The following ESR1 variants were observed in gnomAD, a reference collection of about 807,000 sequenced individuals.
ESR1 encodes the protein estrogen receptor 1, also known as estrogen receptor.
Under a neutral mutation model 52.7 loss-of-function variants are expected in ESR1, and 12 were observed. The ratio of observed to expected loss-of-function variants is 0.23; its 90% CI spans 0.15 to 0.37. The LOEUF (loss-of-function observed/expected upper bound fraction) is 0.37, where lower values mean the gene tolerates loss of function less well. Ranked by LOEUF, ESR1 falls within the 10% of genes least tolerant of loss-of-function variation. The pLI is 1.00. For synonymous variants in ESR1, 305 were observed against 316.8 expected, an observed-to-expected ratio of 0.96 and a Z score of 0.39; for missense variants, 584 against 779.7, an observed-to-expected ratio of 0.75 and a Z score of 2.99.
chr6:151,748,251 C>T (rs1783628915), intron 2 of ESR1, among the ~76,000 whole-genome samples: 1 of 152,030 alleles, frequency 6.6e-6, no homozygotes, highest in African/African-American at 2.4e-5. Context: ...CCAGACAGCC[C>T]CCCAGAATTA....
chr6:152,069,704 G>T (rs577680888), intron 6 of ESR1, among the ~76,000 whole-genome samples: 1 of 136,546 alleles, frequency 7.3e-6, no homozygotes, highest in African/African-American at 3.3e-5. Flanking sequence ...TCACAGTAGG[G>T]TTCACAGCCC....
chr6:151,752,623 A>G (rs1030836001), intron 2 of ESR1, among the ~76,000 whole-genome samples: 4 of 152,158 alleles, frequency 2.6e-5, no homozygotes, highest in Admixed American at 2.0e-4. Context: ...CTTCTTTTCT[A>G]TGTGTCAAAT....
intron 2 of ESR1, among the ~76,000 whole-genome samples, chr6:151,875,988 C>G (rs776757619): frequency 6.6e-6 from 1 of 151,902 alleles, no homozygotes; most frequent in Non-Finnish European, 1.5e-5. Flanking sequence ...GAAGGATTGG[C>G]GGGGGAAGGC....
intron 2 of ESR1, among the ~76,000 whole-genome samples, chr6:151,726,150 G>C (rs996777316): frequency 4.6e-5 from 7 of 152,098 alleles, no homozygotes; most frequent in Admixed American, 6.6e-5. Flanking sequence ...AACCAATTCT[G>C]GCTCATTTAG....
At chr6:152,020,429 C>T (rs924292868) in intron 5 of ESR1, among the ~76,000 whole-genome samples, 1 of 152,016 alleles carries the variant, frequency 6.6e-6, no homozygotes, top group African/African-American at 2.4e-5. Flanking sequence ...TCTATGACAA[C>T]AGTTCTTATT....
intron 2 of ESR1, among the ~76,000 whole-genome samples, chr6:151,857,008 C>A (rs975218467): frequency 6.6e-6 from 1 of 152,050 alleles, no homozygotes; most frequent in African/African-American, 2.4e-5. Flanking sequence ...GAATATAAGG[C>A]AAGATAAAAA....
chr6:151,842,847 A>G, intron 2 of ESR1, 60 bp downstream of exon 2: 3 of 1,457,794 alleles, frequency 2.1e-6, no homozygotes, highest in Non-Finnish European at 1.9e-6. Flanking sequence ...CTAAGAGCCA[A>G]AGCGACTGAG....
intron 2 of ESR1, among the ~76,000 whole-genome samples, chr6:151,733,370 C>T (rs1782401655): frequency 2.0e-5 from 3 of 152,288 alleles, no homozygotes; most frequent in Admixed American, 1.3e-4. Context: ...GTGTCATGTC[C>T]ATTCCCTCTG....
chr6:151,725,375 C>T (rs1781764931), intron 2 of ESR1, among the ~76,000 whole-genome samples: 1 of 152,116 alleles, frequency 6.6e-6, no homozygotes, highest in African/African-American at 2.4e-5. Flanking sequence ...TGTAATACTT[C>T]AAGGACATAG....
chr6:151,729,610 A>T (rs958903886), intron 2 of ESR1, among the ~76,000 whole-genome samples: 1 of 152,172 alleles, frequency 6.6e-6, no homozygotes, highest in African/African-American at 2.4e-5. Context: ...TGTGCTAGAG[A>T]CTGTGCTAAA....
chr6:152,121,471 A>T (rs1304900733), intron 6 of ESR1, among the ~76,000 whole-genome samples: 2 of 152,162 alleles, frequency 1.3e-5, no homozygotes, highest in African/African-American at 4.8e-5. Context: ...AGGAGATTTG[A>T]TTGACTATGG....
intron 2 of ESR1, among the ~76,000 whole-genome samples, chr6:151,710,515 G>A (rs1780518009): frequency 6.6e-6 from 1 of 151,858 alleles, no homozygotes; most frequent in Non-Finnish European, 1.5e-5. Context: ...ACCACTTTTT[G>A]ACCTACAAAA....
At chr6:151,850,021 TACAAA>T (rs2128248959) in intron 2 of ESR1, among the ~76,000 whole-genome samples, 1 of 129,152 alleles carries the variant, frequency 7.7e-6, no homozygotes, top group South Asian at 2.3e-4. Flanking sequence ...TGTATATATA[TACAAA>T]ATTATATATA....
intron 4 of ESR1, among the ~76,000 whole-genome samples, chr6:151,956,013 G>A (rs1314505056): frequency 2.0e-5 from 3 of 152,056 alleles, no homozygotes; most frequent in Non-Finnish European, 2.9e-5. Context: ...TAAGGATAAT[G>A]GTCTCCAATT....
intron 3 of ESR1, among the ~76,000 whole-genome samples, chr6:151,943,792 A>G (rs961729440): frequency 2.0e-5 from 3 of 152,224 alleles, no homozygotes; most frequent in African/African-American, 7.2e-5. Context: ...TGTTCTTTTT[A>G]TAACACCTGT....
rs1585262561 is a variant in ESR1, at chr6:152,100,992, A to C, written c.*2026A>C. On this transcript the variant is annotated 3_prime_UTR_variant, in exon 8 of 8. Transcript: ENST00000206249. ...ATGTAGTAATTCTGTTCTGGATTTAATTTGACTGGGTTAACATGCAAAAAC... is the reference window on the plus strand; with the variant it reads ...ATGTAGTAATTCTGTTCTGGATTTACTTTGACTGGGTTAACATGCAAAAAC... 4.4e-6 allele frequency: 1 copy of C among 228,612 alleles called. No individual in the cohort carries two copies. Among genetic ancestry groups the C allele is most frequent in the Admixed American group, 5.7e-5 (1 of 17,536 alleles). 14.2% of individuals were successfully genotyped at this position (228,612 alleles called of 1,614,324 possible).
intron 5 of ESR1, among the ~76,000 whole-genome samples, chr6:152,057,756 A>G (rs2128947162): frequency 6.6e-6 from 1 of 152,008 alleles, no homozygotes; most frequent in South Asian, 2.1e-4. Flanking sequence ...AGTTTGGGGT[A>G]TACACCATCC....
chr6:151,779,689 A>G (rs1197534575), intron 2 of ESR1, among the ~76,000 whole-genome samples: 1 of 152,146 alleles, frequency 6.6e-6, no homozygotes, highest in Non-Finnish European at 1.5e-5. Flanking sequence ...TACCCAAAGG[A>G]TTATAAATCA....
intron 2 of ESR1, among the ~76,000 whole-genome samples, chr6:151,779,142 G>T (rs775156445): frequency 1.3e-5 from 2 of 152,102 alleles, no homozygotes; most frequent in East Asian, 3.9e-4. Flanking sequence ...CATTGCTTTT[G>T]TGTTTTAGTC....
Sources: allele counts gnomAD v4.1 joint callset (sites outside exome capture counted in the v4.1 genomes callset), GRCh38; gene constraint gnomAD v4.1.1; transcripts MANE v1.5; gene names NCBI Gene and HGNC (gene_info 2026-07-23, HGNC 2026-07-21).